HSD17B12: variants seen among roughly 807,000 people sequenced by gnomAD.
The protein encoded by HSD17B12 is very-long-chain 3-oxoacyl-CoA reductase.
HSD17B12 carries 32 observed loss-of-function variants against 39.3 expected under a neutral mutation model. That is an observed-to-expected ratio of 0.81 (90% CI 0.61 to 1.09). The LOEUF (loss-of-function observed/expected upper bound fraction) is 1.09. HSD17B12 is among the 50% of genes least tolerant of loss of function. The probability of loss-of-function intolerance (pLI) is 0.00; values close to 1 mark genes in which losing one functional copy is unlikely to be tolerated. For missense variants in HSD17B12, 342 were observed against 382.9 expected (o/e 0.89, Z 0.89); for synonymous variants, 150 against 146.7 (o/e 1.02, Z -0.16).
At chr11:43,616,797 T>TG in the HSD17B12 span, among the ~76,000 whole-genome samples, 1 of 59,710 alleles carries the variant, frequency 1.7e-5, no homozygotes, top group African/African-American at 7.1e-5. Context: ...GTGCCCAAAC[T>TG]AAAAAAAAAA....
chr11:43,744,860 T>C (rs1950399481), intron 1 of HSD17B12, among the ~76,000 whole-genome samples: 1 of 152,218 alleles, frequency 6.6e-6, no homozygotes, highest in African/African-American at 2.4e-5. Context: ...CCATTGGCCC[T>C]GAACATAGGA....
intron 3 of HSD17B12, among the ~76,000 whole-genome samples, chr11:43,798,094 C>T (rs1950930412): frequency 6.6e-6 from 1 of 152,130 alleles, no homozygotes; most frequent in Admixed American, 6.6e-5. Context: ...AACATTCAGC[C>T]AGCTCTCTGT....
At chr11:43,690,391 TATATATA>T (rs1949848200) in intron 1 of HSD17B12, among the ~76,000 whole-genome samples, 18 of 24,858 alleles carry the variant, frequency 7.2e-4, no homozygotes, top group African/African-American at 2.0e-3. Flanking sequence ...TATATATATA[TATATATA>T]TATATATTTT....
the HSD17B12 span, among the ~76,000 whole-genome samples, chr11:43,595,819 A>G: frequency 6.6e-6 from 1 of 152,318 alleles, no homozygotes; most frequent in Admixed American, 6.5e-5. Flanking sequence ...CATTCACAGA[A>G]CACACATACA....
rs200691746 is a variant in HSD17B12, at chr11:43,680,997, A to C, written c.160+10A>C. 1.8e-3 allele frequency: 2,856 copies of C among 1,579,948 alleles called. 6 individuals carry two copies. The highest frequency in any genetic ancestry group is 1.8e-3 in the Non-Finnish European group (2,063 of 1,160,058). ...CTCGGAGAATGGGCAGGTGAGTCGG[A>C]TGCAGCGCCGCGTCCTCGCTCCCGC... is the stretch of plus-strand genomic sequence containing the variant. On this transcript the variant is annotated intron_variant, in intron 1 of 10. Coordinates refer to ENST00000278353, the MANE Select transcript of HSD17B12 (RefSeq NM_016142.3).
At chr11:43,690,244 G>C (rs1949840729) in intron 1 of HSD17B12, among the ~76,000 whole-genome samples, 1 of 150,906 alleles carries the variant, frequency 6.6e-6, no homozygotes, top group Non-Finnish European at 1.5e-5. Flanking sequence ...TGTGAGCACT[G>C]TAAGGCAAGG....
At chr11:43,854,651 C>A in intron 9 of HSD17B12, 64 bp from the exon 10 acceptor site, 1 of 1,545,930 alleles carries the variant, frequency 6.5e-7, no homozygotes, top group Non-Finnish European at 8.9e-7. Context: ...CACCACTGTA[C>A]ATTCTGAGTT....
intron 1 of HSD17B12, chr11:43,719,282 T>A (rs1224365341): frequency 8.5e-6 from 4 of 470,008 alleles, no homozygotes; most frequent in Non-Finnish European, 1.6e-5. Context: ...ACTCTTGTTT[T>A]ACTTATGCTT....
the HSD17B12 span, chr11:43,644,544 G>A: frequency 6.6e-6 from 1 of 152,568 alleles, no homozygotes; most frequent in Non-Finnish European, 1.5e-5. Flanking sequence ...GGCATATGGG[G>A]TTGTGCTTTC....
At chr11:43,613,798 C>T in the HSD17B12 span, among the ~76,000 whole-genome samples, 1 of 152,030 alleles carries the variant, frequency 6.6e-6, no homozygotes, top group Non-Finnish European at 1.5e-5. Flanking sequence ...TCCCAAGTAG[C>T]TGGGATTACA....
intron 1 of HSD17B12, chr11:43,733,798 C>T: frequency 1.4e-6 from 1 of 712,750 alleles, no homozygotes; most frequent in Non-Finnish European, 2.5e-6. Flanking sequence ...CAAGTTTGGC[C>T]TGGTCTTAGC....
At chr11:43,643,638 G>T in the HSD17B12 span, among the ~76,000 whole-genome samples, 5 of 152,008 alleles carry the variant, frequency 3.3e-5, no homozygotes, top group Non-Finnish European at 7.4e-5. Flanking sequence ...AAAATATATT[G>T]CCCATATTTA....
the HSD17B12 span, among the ~76,000 whole-genome samples, chr11:43,580,650 TA>T: frequency 2.0e-4 from 31 of 152,032 alleles, no homozygotes; most frequent in African/African-American, 7.5e-4. Flanking sequence ...GTCGCTCTCT[TA>T]AACCTCTCTT....
At chr11:43,651,301 A>G in the HSD17B12 span, among the ~76,000 whole-genome samples, 1 of 152,214 alleles carries the variant, frequency 6.6e-6, no homozygotes, top group Non-Finnish European at 1.5e-5. Flanking sequence ...TATTCATCAT[A>G]CTTTCTGTGC....
chr11:43,762,184 A>G (rs7123424), intron 3 of HSD17B12, among the ~76,000 whole-genome samples: 5,702 of 152,076 alleles, frequency 0.037, 355 homozygotes, highest in African/African-American at 0.13. Context: ...AGAAGAAAAA[A>G]AAGACGTTTT....
At chr11:43,600,943 A>G in the HSD17B12 span, among the ~76,000 whole-genome samples, 1 of 151,786 alleles carries the variant, frequency 6.6e-6, no homozygotes, top group East Asian at 1.9e-4. Context: ...GGTTGTTATT[A>G]TTATTGATCA....
intron 1 of HSD17B12, among the ~76,000 whole-genome samples, chr11:43,709,368 C>T (rs1031675060): frequency 2.6e-5 from 4 of 152,228 alleles, no homozygotes; most frequent in Admixed American, 6.5e-5. Flanking sequence ...TCAGGTGATC[C>T]GCCTGCCTTG....
intron 1 of HSD17B12, chr11:43,718,634 C>T: frequency 1.5e-6 from 1 of 654,588 alleles, no homozygotes; most frequent in Non-Finnish European, 2.7e-6. Flanking sequence ...AAGTCTCTTA[C>T]CCCATGTATC....
Position 43,831,103 on chromosome 11 carries a change from C to T in HSD17B12, c.536+93C>T. On this transcript the variant is annotated intron_variant, in intron 7 of 10. Coordinates refer to ENST00000278353, the MANE Select transcript of HSD17B12 (RefSeq NM_016142.3). This position sits in a 1 kb window ranked among gnomAD's most constrained non-coding sequence, Gnocchi z 4.1. ...TGCTTTGAAAAAATCACTGAAGTGA[C>T]TAATGAACCAAGCCTCCATGTCTTA... is the stretch of plus-strand genomic sequence containing the variant. 1.7e-6 allele frequency: 2 copies of T among 1,182,886 alleles called. No homozygotes were observed. Among genetic ancestry groups the T allele is most frequent in the Non-Finnish European group, 2.4e-6 (2 of 819,778 alleles). The allele number at this position is 1,182,886 out of a possible 1,614,324, so 73.3% of individuals were successfully genotyped here.
Sources: allele counts gnomAD v4.1 joint callset (sites outside exome capture counted in the v4.1 genomes callset), GRCh38; gene constraint gnomAD v4.1.1; non-coding constraint Gnocchi (gnomAD v3.1); transcripts MANE v1.5; gene names NCBI Gene and HGNC (gene_info 2026-07-23, HGNC 2026-07-21).